Variants in ENOX2 observed in about 807,000 individuals in gnomAD.
ENOX2 encodes the protein ecto-NOX disulfide-thiol exchanger 2.
In ENOX2, 36 loss-of-function variants were observed where a neutral mutation model predicts 45.0. The ratio of observed to expected loss-of-function variants is 0.80; its 90% CI spans 0.61 to 1.06. ENOX2 has a LOEUF of 1.06. ENOX2 is among the 50% of genes least tolerant of loss of function. The probability of loss-of-function intolerance (pLI) is 0.00; values close to 1 mark genes in which losing one functional copy is unlikely to be tolerated. For missense variants in ENOX2, 423 were observed against 462.5 expected (o/e 0.91, Z 0.78); for synonymous variants, 174 against 152.3 (o/e 1.14, Z -1.05).
rs770090678 is a variant in ENOX2 at position 130,831,957 on chromosome X, G to A, written c.-182-48267C>T. On this transcript the variant is annotated intron_variant, in intron 2 of 14. Coordinates refer to ENST00000394363, the MANE Select transcript of ENOX2 (RefSeq NM_006375.4). ...TTTAATAAGGATACTCTAAGTAGGG[G>A]AAAATAATTCTTACTTCTTTAGGAA... Among the ~76,000 whole-genome samples the A allele has an allele frequency of 2.8e-3, 307 of 110,866 alleles. 1 individual carries two copies. The highest frequency in any genetic ancestry group is 9.2e-3 in the Middle Eastern group (2 of 217).
intron 10 of ENOX2, among the ~76,000 whole-genome samples, chrX:130,643,775 G>A (rs942080409): frequency 8.9e-6 from 1 of 112,051 alleles, no homozygotes; most frequent in South Asian, 3.7e-4. Flanking sequence ...GAAATGGACA[G>A]ATCCAGCAAA....
intron 5 of ENOX2, among the ~76,000 whole-genome samples, chrX:130,687,353 C>T (rs779925841): frequency 5.3e-5 from 6 of 112,365 alleles, no homozygotes; most frequent in Admixed American, 9.4e-5. Flanking sequence ...CAGCAGGATT[C>T]TACCCTTTCA....
At chrX:130,851,095 T>C (rs143104594) in intron 2 of ENOX2, among the ~76,000 whole-genome samples, 1,141 of 112,398 alleles carry the variant, frequency 0.01, 8 homozygotes, top group South Asian at 0.023. Flanking sequence ...GGCTCTGTAA[T>C]TTTATGGCTC....
chrX:130,648,989 G>A (rs2036322603), intron 10 of ENOX2, among the ~76,000 whole-genome samples: 1 of 92,741 alleles, frequency 1.1e-5, no homozygotes, highest in Non-Finnish European at 2.1e-5. Context: ...AGGTTGCAGT[G>A]AGCCAAGATC....
intron 3 of ENOX2, among the ~76,000 whole-genome samples, chrX:130,781,801 G>C (rs1470252386): frequency 1.8e-5 from 2 of 110,854 alleles, no homozygotes; most frequent in African/African-American, 6.6e-5. Context: ...TGTTGTTGTT[G>C]TTGTTCTTAA....
At chrX:130,816,347 TAG>T (rs1481962746) in intron 2 of ENOX2, among the ~76,000 whole-genome samples, 2 of 111,105 alleles carry the variant, frequency 1.8e-5, no homozygotes, top group African/African-American at 6.6e-5. Context: ...CTGTCAATAT[TAG>T]AGAGATCAAT....
intron 10 of ENOX2, 136 bp downstream of exon 10, chrX:130,656,445 A>G: frequency 2.2e-6 from 1 of 453,453 alleles, no homozygotes; most frequent in South Asian, 3.5e-5. Context: ...ATGTACACAT[A>G]TGGCCTTGCC....
intron 3 of ENOX2, among the ~76,000 whole-genome samples, chrX:130,767,857 C>T (rs1004863240): frequency 3.6e-5 from 4 of 111,865 alleles, no homozygotes; most frequent in East Asian, 2.8e-4. Context: ...CATAAAGTAA[C>T]CCACACAGTG....
chrX:130,900,144 T>C (rs956506486), intron 2 of ENOX2, among the ~76,000 whole-genome samples: 2 of 112,060 alleles, frequency 1.8e-5, no homozygotes, highest in South Asian at 3.7e-4. Context: ...TGGTTTCTTA[T>C]GGCCTACAAG....
At chrX:130,659,769 T>C (rs1367037546) in intron 9 of ENOX2, among the ~76,000 whole-genome samples, 4 of 112,411 alleles carry the variant, frequency 3.6e-5, no homozygotes, top group Non-Finnish European at 7.5e-5. Context: ...GAGAAAGTTA[T>C]TGTGTTTCTC....
chrX:130,825,592 G>A (rs1952722829), intron 2 of ENOX2, among the ~76,000 whole-genome samples: 1 of 111,937 alleles, frequency 8.9e-6, no homozygotes, highest in African/African-American at 3.2e-5. Flanking sequence ...GTCAAGCACA[G>A]TCTGGAAATA....
At chrX:130,811,356 C>G (rs1251231070) in intron 2 of ENOX2, among the ~76,000 whole-genome samples, 1 of 112,125 alleles carries the variant, frequency 8.9e-6, no homozygotes, top group Non-Finnish European at 1.9e-5. Context: ...CCCTAATGGA[C>G]TTAGGCTCCA....
At chrX:130,833,428 T>G (rs1056097721) in intron 2 of ENOX2, among the ~76,000 whole-genome samples, 4 of 110,918 alleles carry the variant, frequency 3.6e-5, no homozygotes, top group African/African-American at 1.3e-4. Context: ...GGAGCTGGCA[T>G]GACGAGCCCA....
chrX:130,801,028 T>C (rs768303853), intron 2 of ENOX2, among the ~76,000 whole-genome samples: 4 of 112,557 alleles, frequency 3.6e-5, no homozygotes, highest in African/African-American at 6.4e-5. Flanking sequence ...CCAATCACTA[T>C]GTTCAACACA....
At chrX:130,868,378 G>A (rs1201112616) in intron 2 of ENOX2, among the ~76,000 whole-genome samples, 1 of 111,752 alleles carries the variant, frequency 8.9e-6, no homozygotes, top group Non-Finnish European at 1.9e-5. Flanking sequence ...TTCCGCCAAG[G>A]TACCAGTGGT....
chrX:130,893,176 T>C (rs1433183425), intron 2 of ENOX2, among the ~76,000 whole-genome samples: 3 of 112,427 alleles, frequency 2.7e-5, no homozygotes, highest in Non-Finnish European at 5.6e-5. Flanking sequence ...TATATGATGC[T>C]TGCAATTTTT....
intron 2 of ENOX2, among the ~76,000 whole-genome samples, chrX:130,804,828 A>G (rs894265701): frequency 5.4e-5 from 6 of 111,629 alleles, no homozygotes; most frequent in Non-Finnish European, 9.4e-5. Context: ...CAGAGATCTC[A>G]CACTTCCTGG....
At chrX:130,765,801 A>C (rs1040622412) in intron 3 of ENOX2, among the ~76,000 whole-genome samples, 4 of 111,670 alleles carry the variant, frequency 3.6e-5, no homozygotes, top group African/African-American at 9.7e-5. Context: ...AAAATGCCAA[A>C]ATTGCTTGCA....
At chrX:130,665,049 T>C (rs763385889) in intron 9 of ENOX2, among the ~76,000 whole-genome samples, 40 of 112,222 alleles carry the variant, frequency 3.6e-4, no homozygotes, top group African/African-American at 1.2e-3. Context: ...TTTTAATCTT[T>C]GATGCAGAAG....
Sources: gnomAD v4.1 joint callset for allele counts (sites outside exome capture counted in the v4.1 genomes callset) on GRCh38, gnomAD v4.1.1 for gene constraint, MANE v1.5 for transcripts, NCBI Gene and HGNC (gene_info 2026-07-23, HGNC 2026-07-21) for gene names.